NBPF4: variants seen among roughly 807,000 people sequenced by gnomAD.
NBPF4 encodes NBPF member 4, also known as NBPF family member NBPF4.
In NBPF4, 11 loss-of-function variants were observed where a neutral mutation model predicts 21.1. The ratio of observed to expected loss-of-function variants is 0.52; its 90% CI spans 0.33 to 0.86. The LOEUF (loss-of-function observed/expected upper bound fraction) is 0.86. NBPF4 is among the 40% of genes least tolerant of loss of function. NBPF4 has a pLI of 0.03. For synonymous variants in NBPF4, 47 were observed against 106.4 expected, an observed-to-expected ratio of 0.44 and a Z score of 3.43; for missense variants, 88 against 265.3, an observed-to-expected ratio of 0.33 and a Z score of 4.64.
At chr1:108,244,941 T>TAA (rs1649790689), upstream of NBPF4, among the ~76,000 whole-genome samples, 4 of 37,152 alleles carry the variant, frequency 1.1e-4, no homozygotes, top group African/African-American at 2.7e-4. Flanking sequence ...TATATATATA[T>TAA]ATATATACAC....
At chr1:108,223,947 A>T (rs1022224947) in intron 14 of NBPF4, among the ~76,000 whole-genome samples, 33 of 150,592 alleles carry the variant, frequency 2.2e-4, no homozygotes, top group Non-Finnish European at 4.4e-4. Context: ...ACTTCCAGTC[A>T]GCCTGGGGTG....
At chr1:108,264,150 G>T in the NBPF4 span, among the ~76,000 whole-genome samples, 1 of 147,698 alleles carries the variant, frequency 6.8e-6, no homozygotes, top group South Asian at 2.1e-4. Context: ...CATATCTCAT[G>T]TGCAAAGATG....
chr1:108,266,116 CT>C, the NBPF4 span, among the ~76,000 whole-genome samples: 3 of 140,212 alleles, frequency 2.1e-5, no homozygotes, highest in Non-Finnish European at 4.5e-5. Context: ...ATGAAAAACC[CT>C]TCAAAAAATC....
the NBPF4 span, among the ~76,000 whole-genome samples, chr1:108,259,765 C>G: frequency 6.6e-6 from 1 of 151,528 alleles, no homozygotes; most frequent in Non-Finnish European, 1.5e-5. Context: ...CCCTGGACTA[C>G]AGTTCTACCA....
chr1:108,258,002 G>A, the NBPF4 span, among the ~76,000 whole-genome samples: 3 of 136,464 alleles, frequency 2.2e-5, no homozygotes, highest in Non-Finnish European at 4.6e-5. Context: ...CACCCACCTC[G>A]GCCTCCCAAA....
chr1:108,244,853 T>C (rs917916340), upstream of NBPF4, among the ~76,000 whole-genome samples: 4 of 12,732 alleles, frequency 3.1e-4, no homozygotes, highest in Admixed American at 2.5e-3. Context: ...TTTTCCCATA[T>C]ATTGAAAAGA....
chr1:108,257,762 C>CTTTTTTTTTTTTTTTTTTTTT, the NBPF4 span, among the ~76,000 whole-genome samples: 8 of 54,772 alleles, frequency 1.5e-4, no homozygotes, highest in East Asian at 6.4e-4. Flanking sequence ...CTTTTCTTTT[C>CTTTTTTTTTTTTTTTTTTTTT]TTTTTTTTTT....
upstream of NBPF4, among the ~76,000 whole-genome samples, chr1:108,247,773 T>C (rs1649882985): frequency 6.7e-6 from 1 of 149,182 alleles, no homozygotes; most frequent in Non-Finnish European, 1.5e-5. Context: ...ATTTAATACA[T>C]TTCCTCACAA....
At chr1:108,254,058 T>C in the NBPF4 span, among the ~76,000 whole-genome samples, 1 of 117,370 alleles carries the variant, frequency 8.5e-6, no homozygotes, top group Non-Finnish European at 1.8e-5. Context: ...AGAAGCTATT[T>C]GGTTTGATGT....
rs764691583 is a variant in NBPF4 at position 108,223,723 on chromosome 1, C to T, written c.1899G>A (p.Thr633=). 2.7e-5 allele frequency: 42 copies of T among 1,561,730 alleles called. No homozygotes were observed. The highest frequency in any genetic ancestry group is 2.6e-4 in the East Asian group (11 of 41,528). Residue 633 remains threonine, a synonymous_variant, in exon 15 of 15, where the codon ACG becomes ACA. Transcript: ENST00000415641. ...SAEIPNTAGR[T]QRMAG The stretch of plus-strand genomic sequence containing the variant: ...CATTCTTTCATCCTGCCATCCTTTG[C>T]GTCCTTCCAGCAGTATTTGGTATCT...
the NBPF4 span, among the ~76,000 whole-genome samples, chr1:108,256,547 C>CCCTCCCCTGCCCTCCCTCT: frequency 2.2e-5 from 2 of 90,786 alleles, no homozygotes; most frequent in East Asian, 7.0e-4. Flanking sequence ...CCCTCCCCTC[C>CCCTCCCCTGCCCTCCCTCT]CCTCCCCTGC....
rs1649338755 is a variant in NBPF4, at chr1:108,222,625, T to A, written c.*1080A>T. Among the ~76,000 whole-genome samples the A allele has an allele frequency of 6.6e-6, 1 of 152,270 alleles. No homozygotes were observed. The highest frequency in any genetic ancestry group is 1.9e-4 in the East Asian group (1 of 5,180). ...ATTAAAATTAATTTTGGATGAAAGT[T>A]AAAATTTGGGCAGGGAATGATCTTT... is the stretch of plus-strand genomic sequence containing the variant. On this transcript the variant is annotated 3_prime_UTR_variant, in exon 15 of 15. Transcript: ENST00000415641.
rs1649345664 is a variant in NBPF4 at position 108,222,756 on chromosome 1, T to C, written c.*949A>G. Among the ~76,000 whole-genome samples the C allele has an allele frequency of 6.6e-6, 1 of 152,218 alleles. No homozygotes were observed. The highest frequency in any genetic ancestry group is 2.4e-5 in the African/African-American group (1 of 41,450). Reference sequence around the variant, plus strand: ...TAACTGACACAGACGGGGTGATTAATTGGTGATAAAATGTTCTGAAGAAGA... The same window carrying C: ...TAACTGACACAGACGGGGTGATTAACTGGTGATAAAATGTTCTGAAGAAGA... On this transcript the variant is annotated 3_prime_UTR_variant, in exon 15 of 15. Coordinates refer to ENST00000415641, the MANE Select transcript of NBPF4 (RefSeq NM_001143989.3).
the NBPF4 span, among the ~76,000 whole-genome samples, chr1:108,254,112 T>C: frequency 2.8e-5 from 3 of 106,354 alleles, no homozygotes; most frequent in Non-Finnish European, 3.9e-5. Flanking sequence ...TTTGCTCTTG[T>C]TGCCCAGGCT....
chr1:108,264,274 A>G, the NBPF4 span, among the ~76,000 whole-genome samples: 2 of 149,614 alleles, frequency 1.3e-5, no homozygotes, highest in Non-Finnish European at 2.9e-5. Context: ...TAAACCAACA[A>G]AGGTCAAAAA....
At chr1:108,247,961 A>G (rs1361345173), upstream of NBPF4, among the ~76,000 whole-genome samples, 1 of 151,274 alleles carries the variant, frequency 6.6e-6, no homozygotes, top group Non-Finnish European at 1.5e-5. Flanking sequence ...CTCTAGGCAC[A>G]CATCACCATT....
At chr1:108,254,013 C>T in the NBPF4 span, among the ~76,000 whole-genome samples, 2 of 87,974 alleles carry the variant, frequency 2.3e-5, no homozygotes, top group East Asian at 6.3e-4. Context: ...CCATAGGCTG[C>T]CTTTTCATGT....
chr1:108,244,905 T>G (rs1354283282), upstream of NBPF4, among the ~76,000 whole-genome samples: 64 of 22,274 alleles, frequency 2.9e-3, no homozygotes, highest in African/African-American at 0.012. Context: ...GTTGGAGATA[T>G]ATATATATAT....
At chr1:108,244,947 T>TATATACAC (rs754071410), upstream of NBPF4, among the ~76,000 whole-genome samples, 1 of 34,962 alleles carries the variant, frequency 2.9e-5, no homozygotes, top group Admixed American at 4.3e-4. Flanking sequence ...TATATATATA[T>TATATACAC]ACACACACAT....
Sources: allele counts gnomAD v4.1 joint callset (sites outside exome capture counted in the v4.1 genomes callset), GRCh38; gene constraint gnomAD v4.1.1; transcripts MANE v1.5; gene names NCBI Gene and HGNC (gene_info 2026-07-23, HGNC 2026-07-21).